The following ZNF605 variants were observed in gnomAD, a reference collection of about 807,000 sequenced individuals.
ZNF605 encodes the protein zinc finger protein 605.
ZNF605 carries 9 observed loss-of-function variants against 7.9 expected under a neutral mutation model. The observed-to-expected ratio is 1.14, with a 90% CI of 0.68 to 1.98. The LOEUF is 1.98. ZNF605 is among the 30% of genes most tolerant of loss of function. ZNF605 has a pLI of 0.00. For synonymous variants in ZNF605, 255 were observed against 260.1 expected (o/e 0.98, Z 0.19); for missense variants, 673 against 762.4 (o/e 0.88, Z 1.38).
chr12:132,930,442 T>C (rs556657274), intron 4 of ZNF605, among the ~76,000 whole-genome samples: 3 of 152,244 alleles, frequency 2.0e-5, no homozygotes, highest in Non-Finnish European at 2.9e-5. Flanking sequence ...CCCAGTAGAA[T>C]GTAAACTGTA....
chr12:132,949,001 CGCCTGCT>C (rs1215335909), intron 1 of ZNF605, among the ~76,000 whole-genome samples: 1 of 152,060 alleles, frequency 6.6e-6, no homozygotes, highest in African/African-American at 2.4e-5. Context: ...GTGTAGCTCA[CGCCTGCT>C]TGGTATCTGT....
chr12:132,926,340 CA>C lies in ZNF605; in HGVS notation c.958del (p.Trp320GlyfsTer5). 1 of 1,614,030 alleles carries C rather than the reference CA, an allele frequency of 6.2e-7. No individual in the cohort carries two copies. Among genetic ancestry groups the C allele is most frequent in the Non-Finnish European group, 8.5e-7 (1 of 1,179,980 alleles). The stretch of plus-strand genomic sequence containing the variant: ...CTGATGAGTAATCAGCTGCGACTTC[CA>C]AAAGAAGGCTTTTCCACAGTGACTA... Reference protein sequence around the residue: ...PCSHCGKAFFWKSQLITHQRT... With the variant: ...PCSHCGKAFFXKSQLITHQRT... On this transcript the variant is annotated frameshift_variant, in exon 5 of 5. Transcript: ENST00000360187. LOFTEE classifies it low-confidence loss of function (END_TRUNC).
intron 1 of ZNF605, among the ~76,000 whole-genome samples, chr12:132,950,573 G>GACGTGCACACACACTGATGCAC (rs1952547870): frequency 6.7e-6 from 1 of 149,892 alleles, no homozygotes; most frequent in African/African-American, 2.5e-5. Context: ...ATCACACACA[G>GACGTGCACACACACTGATGCAC]ACGTGCACAC....
At position 132,932,855 on chromosome 12, in the gene ZNF605, GTCTTAAATA is replaced by G. The variant is rs1157921909; in HGVS notation, c.136+171_136+179del. ...TTGGACCTAACTGCCTGGGCTAAGA[GTCTTAAATA>G]TGTAGAATGTTTTATTATAAAGGCT... On this transcript the variant is annotated intron_variant, in intron 4 of 4. Transcript: ENST00000360187. 2.0e-4 allele frequency: 289 copies of G among 1,421,052 alleles called. 1 individual carries two copies. Among genetic ancestry groups the G allele is most frequent in the Middle Eastern group, 1.4e-3 (8 of 5,628 alleles). The allele number at this position is 1,421,052 out of a possible 1,614,324, so 88.0% of individuals were successfully genotyped here. A position where few individuals can be genotyped will look rare whatever the true frequency, so the allele number is the denominator to read the frequency against.
Position 132,921,697 on chromosome 12 carries a change from C to T in ZNF605, c.*3676G>A, listed in dbSNP as rs1183058478. On this transcript the variant is annotated 3_prime_UTR_variant, in exon 5 of 5. Transcript: ENST00000360187. Reference sequence around the variant, plus strand: ...AATAGAAAACATGTATAAAAATCTTCGAAATGCAGGTTAAAATGCAAATCC... The same window carrying T: ...AATAGAAAACATGTATAAAAATCTTTGAAATGCAGGTTAAAATGCAAATCC... The T allele has an allele frequency of 6.6e-6, 1 of 152,156 alleles. No homozygotes were observed. Among genetic ancestry groups the T allele is most frequent in the East Asian group, 1.9e-4 (1 of 5,192 alleles). The allele number at this position is 152,156 out of a possible 1,614,324, so 9.4% of individuals were successfully genotyped here.
intron 1 of ZNF605, among the ~76,000 whole-genome samples, chr12:132,954,705 C>G (rs1952617212): frequency 6.6e-6 from 1 of 151,764 alleles, no homozygotes; most frequent in Non-Finnish European, 1.5e-5. Context: ...CCACTCCATG[C>G]TGGAGCATTC....
At chr12:132,935,686 A>T (rs1249616324) in intron 3 of ZNF605, among the ~76,000 whole-genome samples, 4,998 of 129,040 alleles carry the variant, frequency 0.039, no homozygotes, top group Non-Finnish European at 0.054. Flanking sequence ...AGGTAAGGAG[A>T]TCGAGACCAT....
At position 132,926,024 on chromosome 12, in the gene ZNF605, T is replaced by C. The variant is rs1357352078; in HGVS notation, c.1275A>G (p.Gln425=). The C allele has an allele frequency of 2.5e-5, 41 of 1,614,236 alleles. No homozygotes were observed. Among genetic ancestry groups the C allele is most frequent in the South Asian group, 1.8e-4 (16 of 91,088 alleles). Residue 425 remains glutamine, a synonymous_variant, in exon 5 of 5, where the codon CAA becomes CAG. Coordinates refer to ENST00000360187, the MANE Select transcript of ZNF605 (RefSeq NM_183238.4). ...HLGEKPYGCI[Q]CGKTFFGKSQ... is the part of the protein sequence containing the mutation. ...ACTTCCCAAAGAAGGTTTTCCCACA[T>C]TGAATGCATCCATATGGTTTCTCTC...
Position 132,920,068 on chromosome 12 carries a change from G to C in ZNF605, c.*5305C>G, listed in dbSNP as rs1054611215. 2 of 152,198 alleles carry C rather than the reference G, an allele frequency of 1.3e-5. No individual in the cohort carries two copies. Among genetic ancestry groups the C allele is most frequent in the Admixed American group, 1.3e-4 (2 of 15,274 alleles). The allele number at this position is 152,198 out of a possible 1,614,324, so 9.4% of individuals were successfully genotyped here. ...TTGGCCAGGCTGGTCTCGAACTCCT[G>C]ACCTTGTGATCTGCCTGCCTTAGCC... On this transcript the variant is annotated 3_prime_UTR_variant, in exon 5 of 5. Transcript: ENST00000360187.
chr12:132,944,750 A>G (rs1780716555), intron 3 of ZNF605: 2 of 152,618 alleles, frequency 1.3e-5, no homozygotes, highest in South Asian at 2.1e-4. Flanking sequence ...CAAGGCTGCT[A>G]TTTAGGATCT....
intron 3 of ZNF605, among the ~76,000 whole-genome samples, chr12:132,943,092 G>A (rs1157223597): frequency 1.3e-5 from 2 of 152,110 alleles, no homozygotes; most frequent in East Asian, 1.9e-4. Flanking sequence ...GCCGGGCACG[G>A]TGGCTCACGT....
Position 132,950,493 on chromosome 12 carries a change from A to G in ZNF605, c.-285-2223T>C, listed in dbSNP as rs2137163295. 3.3e-5 allele frequency among the ~76,000 whole-genome samples: 5 copies of G among 151,996 alleles called. No individual in the cohort carries two copies. In the South Asian group the frequency reaches 1.0e-3, roughly 32 times the overall value. ...CACAGACATGCACACACAGACGCACACGTACAGACATGCGCAGACATGCAC... is the reference window on the plus strand; with the variant it reads ...CACAGACATGCACACACAGACGCACGCGTACAGACATGCGCAGACATGCAC... On this transcript the variant is annotated intron_variant, in intron 1 of 4. Coordinates refer to ENST00000360187, the MANE Select transcript of ZNF605 (RefSeq NM_183238.4).
At chr12:132,934,281 T>TAAAC (rs1952337231) in intron 3 of ZNF605, among the ~76,000 whole-genome samples, 1 of 151,250 alleles carries the variant, frequency 6.6e-6, no homozygotes, top group African/African-American at 2.4e-5. Context: ...CTGTCTCAAA[T>TAAAC]AAATAAATAA....
chr12:132,939,320 A>G (rs28863599), intron 3 of ZNF605, among the ~76,000 whole-genome samples: 38 of 152,124 alleles, frequency 2.5e-4, no homozygotes, highest in Admixed American at 1.3e-3. Flanking sequence ...TGCACCAATC[A>G]ACACTCTGTA....
At chr12:132,929,101 A>T (rs1952279317) in intron 4 of ZNF605, among the ~76,000 whole-genome samples, 1 of 152,120 alleles carries the variant, frequency 6.6e-6, no homozygotes, top group South Asian at 2.1e-4. Context: ...TCTAATTCTC[A>T]GATATCAGAA....
intron 4 of ZNF605, among the ~76,000 whole-genome samples, chr12:132,929,043 A>AT (rs1952277827): frequency 6.0e-4 from 11 of 18,484 alleles, no homozygotes; most frequent in Non-Finnish European, 2.3e-3. Context: ...ACAAAACAAA[A>AT]CAAAAAAACC....
Position 132,925,510 on chromosome 12 carries a change from A to C in ZNF605, c.1789T>G (p.Ser597Ala). ...ATAAGGTGTGACTTTCTTGTGAAAG[A>C]TTTCCCACATTCACCACATTTATAT... ...RPYKCGECGK[S>A]FTRKSHLMRH... The change falls in exon 5 of 5, where the codon TCT (serine) becomes GCT (alanine). Residue 597 changes from serine (S) to alanine (A), a missense_variant. Ser to Ala is a moderately conservative substitution (Grantham distance 99). Coordinates refer to ENST00000360187, the MANE Select transcript of ZNF605 (RefSeq NM_183238.4). The C allele has an allele frequency of 6.2e-7, 1 of 1,614,074 alleles. No individual in the cohort carries two copies. The highest frequency in any genetic ancestry group is 8.5e-7 in the Non-Finnish European group (1 of 1,180,008).
In ZNF605 at chr12:132,926,347, A is replaced by C; in HGVS notation, c.952T>G (p.Phe318Val). The stretch of plus-strand genomic sequence containing the variant: ...GTAATCAGCTGCGACTTCCAAAAGA[A>C]GGCTTTTCCACAGTGACTACATGGA... ...PYPCSHCGKA[F>V]FWKSQLITHQ... The change falls in exon 5 of 5, where the codon TTC becomes GTC. Residue 318 changes from phenylalanine to valine, a missense_variant. By Grantham distance (50) the Phe-to-Val change is conservative. Coordinates refer to ENST00000360187, the MANE Select transcript of ZNF605 (RefSeq NM_183238.4). The C allele has an allele frequency of 1.2e-6, 2 of 1,614,190 alleles. No homozygotes were observed. Among genetic ancestry groups the C allele is most frequent in the Non-Finnish European group, 1.7e-6 (2 of 1,180,032 alleles).
intron 3 of ZNF605, among the ~76,000 whole-genome samples, chr12:132,935,524 G>A (rs1040227549): frequency 1.3e-5 from 2 of 151,906 alleles, no homozygotes; most frequent in African/African-American, 4.8e-5. Flanking sequence ...TAGAGAAAGA[G>A]ATCAAAATAA....
Sources: gnomAD v4.1 joint callset for allele counts (sites outside exome capture counted in the v4.1 genomes callset) on GRCh38, gnomAD v4.1.1 for gene constraint, MANE v1.5 for transcripts, NCBI Gene and HGNC (gene_info 2026-07-23, HGNC 2026-07-21) for gene names.